Variants in MAGI1 observed in about 807,000 individuals in gnomAD.
MAGI1 encodes the protein membrane associated guanylate kinase, WW and PDZ domain containing 1.
MAGI1 carries 58 observed loss-of-function variants against 139.9 expected under a neutral mutation model. The observed-to-expected ratio is 0.41, with a 90% CI of 0.34 to 0.52. The LOEUF is 0.52. MAGI1 is among the 20% of genes least tolerant of loss of function. The probability of loss-of-function intolerance (pLI) is 0.12; values close to 1 mark genes in which losing one functional copy is unlikely to be tolerated. For missense variants in MAGI1, 1,874 were observed against 1,901.6 expected (o/e 0.99, Z 0.27); for synonymous variants, 812 against 737.9 (o/e 1.10, Z -1.63).
At chr3:65,868,276 T>C (rs1261883523) in intron 1 of MAGI1, among the ~76,000 whole-genome samples, 1 of 152,154 alleles carries the variant, frequency 6.6e-6, no homozygotes, top group Non-Finnish European at 1.5e-5. Context: ...GCACAGTAAA[T>C]ACTCAACATG....
intron 2 of MAGI1, among the ~76,000 whole-genome samples, chr3:65,531,509 A>G (rs1467140814): frequency 2.0e-5 from 3 of 152,234 alleles, no homozygotes; most frequent in African/African-American, 7.2e-5. Flanking sequence ...ATTATTATTT[A>G]CAGTATAATA....
rs141774331 is a variant in MAGI1, at chr3:65,667,540, T to C, written c.314-45452A>G. On this transcript the variant is annotated intron_variant, in intron 1 of 22. Coordinates refer to ENST00000402939, the MANE Select transcript of MAGI1 (RefSeq NM_001033057.2). ...GGAATGACTGTGTTCTCAGGATGAA[T>C]TCTATACTCTTAAAGAAGAAACCAA... Among the ~76,000 whole-genome samples the C allele has an allele frequency of 1.1e-4, 17 of 152,276 alleles. No individual in the cohort carries two copies. The East Asian group carries it at 3.1e-3, about 28-fold the overall frequency.
At chr3:65,656,890 C>A (rs1047241934) in intron 1 of MAGI1, among the ~76,000 whole-genome samples, 1 of 143,302 alleles carries the variant, frequency 7.0e-6, no homozygotes, top group African/African-American at 2.6e-5. Flanking sequence ...CCCAGCTACT[C>A]GGGAGGCTGA....
chr3:65,842,465 A>T (rs2058841818), intron 1 of MAGI1, among the ~76,000 whole-genome samples: 1 of 151,158 alleles, frequency 6.6e-6, no homozygotes, highest in South Asian at 2.1e-4. Context: ...GGTTCAAGCG[A>T]CTCTGCTGCC....
At chr3:65,756,475 C>T (rs1027636073) in intron 1 of MAGI1, among the ~76,000 whole-genome samples, 7 of 152,136 alleles carry the variant, frequency 4.6e-5, no homozygotes, top group African/African-American at 1.4e-4. Context: ...GGGGACCCTG[C>T]TTATTTAAAT....
intron 1 of MAGI1, among the ~76,000 whole-genome samples, chr3:65,639,884 C>T (rs1015612936): frequency 3.9e-5 from 6 of 151,922 alleles, no homozygotes; most frequent in African/African-American, 1.5e-4. Context: ...TGCCTGTAAT[C>T]CCAGCTACTC....
chr3:65,727,019 G>T (rs1297596393), intron 1 of MAGI1, among the ~76,000 whole-genome samples: 2 of 150,866 alleles, frequency 1.3e-5, no homozygotes, highest in Admixed American at 6.6e-5. Context: ...TCCAGATGAG[G>T]AATATTCAAC....
At chr3:65,824,047 C>G (rs1379490132) in intron 1 of MAGI1, among the ~76,000 whole-genome samples, 1 of 152,168 alleles carries the variant, frequency 6.6e-6, no homozygotes, top group African/African-American at 2.4e-5. Context: ...GAGTTCCTAC[C>G]ACAATGCCAA....
chr3:65,401,196 T>C (rs1331346768), intron 13 of MAGI1, among the ~76,000 whole-genome samples: 3 of 152,138 alleles, frequency 2.0e-5, no homozygotes, highest in Non-Finnish European at 2.9e-5. Context: ...ATTTCAAACA[T>C]GCATTCTTTA....
intron 1 of MAGI1, among the ~76,000 whole-genome samples, chr3:66,006,094 T>G (rs2066998143): frequency 6.6e-6 from 1 of 152,204 alleles, no homozygotes; most frequent in Non-Finnish European, 1.5e-5. Context: ...ATTTGTGACT[T>G]TACCACTACC....
intron 1 of MAGI1, among the ~76,000 whole-genome samples, chr3:65,884,767 C>T (rs933170447): frequency 2.0e-5 from 3 of 152,046 alleles, no homozygotes; most frequent in African/African-American, 7.2e-5. Context: ...CTTTGGGAGG[C>T]CCAGTGTCTG....
rs543747146 is a variant in MAGI1 at position 65,537,495 on chromosome 3, T to C, written c.431-43864A>G. On this transcript the variant is annotated intron_variant, in intron 2 of 22. Transcript: ENST00000402939. ...CCCCAAACTGTAACTTATTCATCTTTATCTCCTCATAGTTTAATGTTCAAT... is the reference window on the plus strand; with the variant it reads ...CCCCAAACTGTAACTTATTCATCTTCATCTCCTCATAGTTTAATGTTCAAT... Among the ~76,000 whole-genome samples the C allele has an allele frequency of 3.8e-4, 58 of 152,304 alleles. 1 individual carries two copies. The South Asian group carries it at 0.012, about 31-fold the overall frequency.
At chr3:65,609,092 A>G (rs1212618741) in intron 2 of MAGI1, among the ~76,000 whole-genome samples, 1 of 152,134 alleles carries the variant, frequency 6.6e-6, no homozygotes, top group Non-Finnish European at 1.5e-5. Flanking sequence ...GAAGGAAGGG[A>G]AGCGTTCAAT....
At chr3:65,509,833 G>T (rs970743864) in intron 2 of MAGI1, among the ~76,000 whole-genome samples, 5 of 152,080 alleles carry the variant, frequency 3.3e-5, no homozygotes, top group African/African-American at 1.2e-4. Flanking sequence ...GCCTCTGTAG[G>T]CTCCACCTCT....
At chr3:65,497,093 T>C (rs1476781814) in intron 2 of MAGI1, among the ~76,000 whole-genome samples, 2 of 151,802 alleles carry the variant, frequency 1.3e-5, no homozygotes, top group African/African-American at 2.4e-5. Context: ...GAGCAGAGAG[T>C]TGGAGCACAG....
chr3:66,032,222 C>CT (rs67085769), intron 1 of MAGI1, among the ~76,000 whole-genome samples: 1 of 151,280 alleles, frequency 6.6e-6, no homozygotes, highest in African/African-American at 2.4e-5. Context: ...TTTGCTGGGT[C>CT]TTTTTTTTGA....
intron 1 of MAGI1, among the ~76,000 whole-genome samples, chr3:65,632,640 T>G (rs1474736424): frequency 1.3e-5 from 2 of 152,182 alleles, no homozygotes; most frequent in Non-Finnish European, 2.9e-5. Flanking sequence ...AGATAACTAT[T>G]TTCCAGCCTT....
rs1553690349 is a variant in MAGI1, at chr3:65,680,760, A to AATGATATGATATGATATGATATGAT, written c.314-58697_314-58673dup. Among the ~76,000 whole-genome samples the AATGATATGATATGATATGATATGAT allele has an allele frequency of 2.7e-4, 36 of 135,148 alleles. 1 individual carries two copies. The highest frequency in any genetic ancestry group is 4.4e-4 in the African/African-American group (12 of 26,974). 88.7% of individuals were successfully genotyped at this position (135,148 alleles called of 152,430 possible). ...CAGCCAGCACTTCAAATAATATAAT[A>AATGATATGATATGATATGATATGAT]ATGATATGATATGATATGATATGAT... is the stretch of plus-strand genomic sequence containing the variant. On this transcript the variant is annotated intron_variant, in intron 1 of 22. Transcript: ENST00000402939.
At chr3:65,640,824 A>G (rs2107236792) in intron 1 of MAGI1, among the ~76,000 whole-genome samples, 1 of 152,332 alleles carries the variant, frequency 6.6e-6, no homozygotes, top group South Asian at 2.1e-4. Context: ...GAGTGTTCCT[A>G]TTAGGGAAGA....
Sources: gnomAD v4.1 joint callset for allele counts (sites outside exome capture counted in the v4.1 genomes callset) on GRCh38, gnomAD v4.1.1 for gene constraint, MANE v1.5 for transcripts, NCBI Gene and HGNC (gene_info 2026-07-23, HGNC 2026-07-21) for gene names.